CTNND2: variants seen among roughly 807,000 people sequenced by gnomAD.
CTNND2 encodes the protein catenin delta 2, also known as catenin delta-2.
Under a neutral mutation model 144.4 loss-of-function variants are expected in CTNND2, and 22 were observed. The observed-to-expected ratio is 0.15, with a 90% confidence interval of 0.11 to 0.22. CTNND2 has a LOEUF of 0.22. CTNND2 is among the 10% of genes least tolerant of loss of function. CTNND2 has a pLI of 1.00. For missense variants in CTNND2, 1,353 were observed against 1,618.8 expected (o/e 0.84, Z 2.82); for synonymous variants, 751 against 695.6 (o/e 1.08, Z -1.25).
intron 1 of CTNND2, among the ~76,000 whole-genome samples, chr5:11,888,098 T>G (rs1350339722): frequency 6.6e-6 from 1 of 152,246 alleles, no homozygotes; most frequent in African/African-American, 2.4e-5. Flanking sequence ...GCTTCAATTT[T>G]ATAAATGAAT....
chr5:11,470,228 G>A (rs1393378088), intron 3 of CTNND2, among the ~76,000 whole-genome samples: 2 of 152,134 alleles, frequency 1.3e-5, no homozygotes, highest in African/African-American at 4.8e-5. Flanking sequence ...CTGAGGTCAG[G>A]AGTTCGAGAC....
At chr5:11,673,807 T>C (rs1239892328) in intron 2 of CTNND2, among the ~76,000 whole-genome samples, 1 of 152,230 alleles carries the variant, frequency 6.6e-6, no homozygotes, top group Non-Finnish European at 1.5e-5. Context: ...AATAGCGTTA[T>C]CTAAATGTTT....
At chr5:11,581,670 T>C (rs977765672) in intron 2 of CTNND2, among the ~76,000 whole-genome samples, 6 of 152,210 alleles carry the variant, frequency 3.9e-5, no homozygotes, top group African/African-American at 1.2e-4. Context: ...CAAAATTATA[T>C]AACTGTCATC....
intron 9 of CTNND2, among the ~76,000 whole-genome samples, chr5:11,290,470 A>G (rs1748215582): frequency 6.6e-6 from 1 of 152,202 alleles, no homozygotes; most frequent in Non-Finnish European, 1.5e-5. Context: ...TTCTACCTCT[A>G]CCATGACTTT....
intron 3 of CTNND2, among the ~76,000 whole-genome samples, chr5:11,545,410 G>C (rs1581460342): frequency 6.6e-6 from 1 of 151,980 alleles, no homozygotes. Flanking sequence ...GGTGGCTCAC[G>C]CCTGTAATCC....
chr5:11,166,612 G>A (rs924949074), intron 11 of CTNND2, among the ~76,000 whole-genome samples: 1 of 152,116 alleles, frequency 6.6e-6, no homozygotes, highest in Non-Finnish European at 1.5e-5. Flanking sequence ...GGGAGGGGGA[G>A]GGGTATAAAG....
intron 2 of CTNND2, among the ~76,000 whole-genome samples, chr5:11,609,556 G>A (rs552708876): frequency 3.3e-5 from 5 of 152,186 alleles, no homozygotes; most frequent in East Asian, 3.9e-4. Flanking sequence ...ACTTTTGGGA[G>A]GACAATAGTC....
chr5:11,830,107 C>T (rs558755752), intron 1 of CTNND2, among the ~76,000 whole-genome samples: 137 of 152,302 alleles, frequency 9.0e-4, no homozygotes, highest in Non-Finnish European at 1.6e-3. Flanking sequence ...AATGCCTGTA[C>T]CAACATTGTA....
chr5:11,548,200 T>C (rs1048024554), intron 3 of CTNND2, among the ~76,000 whole-genome samples: 12 of 152,180 alleles, frequency 7.9e-5, no homozygotes, highest in Non-Finnish European at 1.0e-4. Context: ...CTTTACTTAT[T>C]AGGATGCATA....
intron 1 of CTNND2, among the ~76,000 whole-genome samples, chr5:11,836,005 A>G (rs1467111576): frequency 6.6e-6 from 1 of 152,076 alleles, no homozygotes; most frequent in Non-Finnish European, 1.5e-5. Context: ...CAAATTTTTG[A>G]TACAATGCAT....
intron 3 of CTNND2, among the ~76,000 whole-genome samples, chr5:11,490,615 C>A (rs950576890): frequency 6.6e-6 from 1 of 152,154 alleles, no homozygotes; most frequent in Non-Finnish European, 1.5e-5. Flanking sequence ...TGCACCTGTA[C>A]AGACACATGC....
chr5:11,891,326 A>T (rs1560974847), intron 1 of CTNND2, among the ~76,000 whole-genome samples: 1 of 152,188 alleles, frequency 6.6e-6, no homozygotes, highest in Non-Finnish European at 1.5e-5. Flanking sequence ...ATCCATCAGG[A>T]ATTATCATTC....
chr5:11,298,344 T>C (rs1749232239), intron 9 of CTNND2, among the ~76,000 whole-genome samples: 1 of 152,118 alleles, frequency 6.6e-6, no homozygotes. Context: ...CCATTTTATG[T>C]ATTTTTTGTA....
chr5:11,240,345 C>T (rs1422125959), intron 9 of CTNND2, among the ~76,000 whole-genome samples: 1 of 127,698 alleles, frequency 7.8e-6, no homozygotes, highest in African/African-American at 3.0e-5. Flanking sequence ...CACATACACC[C>T]AACACACACA....
rs774448363 is a variant in CTNND2 at position 11,412,068 on chromosome 5, A to C, written c.289T>G (p.Ser97Ala). The C allele has an allele frequency of 1.9e-5, 31 of 1,610,286 alleles. No homozygotes were observed. Among genetic ancestry groups the C allele is most frequent in the Non-Finnish European group, 2.6e-5 (31 of 1,176,766 alleles). ...TGCCACTGAAACTGCTCTTCTGCTG[A>C]ACTGTAAAAAAGAAAATACAGAGAT... ...SETGSMSSMS[S>A]AEEQFQWQSQ... The change falls in exon 4 of 22, where the codon TCA (serine) becomes GCA (alanine). Residue 97 changes from serine (S) to alanine (A), a missense_variant and splice_region_variant. Around this residue, in one of 4 missense-constraint regions of CTNND2, gnomAD observed 708 missense variants for 706.4 expected, o/e 1.00. Coordinates refer to ENST00000304623, the MANE Select transcript of CTNND2 (RefSeq NM_001332.4).
chr5:11,717,875 A>C (rs1786443349), intron 2 of CTNND2, among the ~76,000 whole-genome samples: 2 of 152,156 alleles, frequency 1.3e-5, no homozygotes, highest in African/African-American at 4.8e-5. Flanking sequence ...GATTATTACA[A>C]TTCAAGGTGA....
At chr5:11,794,311 T>A (rs7735331) in intron 1 of CTNND2, among the ~76,000 whole-genome samples, 14,568 of 152,282 alleles carry the variant, frequency 0.096, 1,895 homozygotes, top group African/African-American at 0.29. Flanking sequence ...TCCATCAGTC[T>A]GCTGAAAATT....
At chr5:11,185,428 CAAG>C (rs923310390) in intron 11 of CTNND2, among the ~76,000 whole-genome samples, 9 of 152,190 alleles carry the variant, frequency 5.9e-5, no homozygotes, top group African/African-American at 2.2e-4. Flanking sequence ...AGAAGGAAGA[CAAG>C]AAGGTCACCT....
intron 8 of CTNND2, among the ~76,000 whole-genome samples, chr5:11,353,800 T>G (rs1247912609): frequency 6.6e-6 from 1 of 150,460 alleles, no homozygotes; most frequent in South Asian, 2.1e-4. Context: ...CAAGACTCCA[T>G]TTCAAAAAAA....
Sources: allele counts gnomAD v4.1 joint callset (sites outside exome capture counted in the v4.1 genomes callset), GRCh38; gene constraint gnomAD v4.1.1; regional missense constraint gnomAD v4.1.1; transcripts MANE v1.5; gene names NCBI Gene and HGNC (gene_info 2026-07-23, HGNC 2026-07-21).